The following TTC28 variants were observed in gnomAD, a reference collection of about 807,000 sequenced individuals.
The protein encoded by TTC28 is tetratricopeptide repeat domain 28, also known as tetratricopeptide repeat protein 28.
In TTC28, 61 loss-of-function variants were observed where a neutral mutation model predicts 198.0. That is an observed-to-expected ratio of 0.31 (90% CI 0.25 to 0.38). The LOEUF (loss-of-function observed/expected upper bound fraction) is 0.38, where lower values mean the gene tolerates loss of function less well. TTC28 is among the 10% of genes least tolerant of loss of function. The pLI, the probability that TTC28 is intolerant of heterozygous loss-of-function variation, is 1.00. For missense variants in TTC28, 2,678 were observed against 3,164.0 expected (o/e 0.85, Z 3.69); for synonymous variants, 1,171 against 1,297.8 (o/e 0.90, Z 2.10).
chr22:28,335,978 T>C (rs879216947), intron 2 of TTC28, among the ~76,000 whole-genome samples: 2 of 152,200 alleles, frequency 1.3e-5, no homozygotes, highest in South Asian at 2.1e-4. Flanking sequence ...TGTGGGTTTG[T>C]CATAGATAGC....
At chr22:28,566,114 T>C (rs2049965009) in intron 2 of TTC28, among the ~76,000 whole-genome samples, 1 of 152,180 alleles carries the variant, frequency 6.6e-6, no homozygotes, top group Non-Finnish European at 1.5e-5. Context: ...TGCTTTTGTA[T>C]GGCCTCCATA....
chr22:28,142,857 G>A (rs1943374029), intron 6 of TTC28, among the ~76,000 whole-genome samples: 1 of 152,130 alleles, frequency 6.6e-6, no homozygotes, highest in African/African-American at 2.4e-5. Flanking sequence ...ACCACCATGA[G>A]AGTCCCCAGA....
chr22:28,067,966 CAT>C (rs1184122156), intron 12 of TTC28, among the ~76,000 whole-genome samples: 1 of 152,176 alleles, frequency 6.6e-6, no homozygotes, highest in Non-Finnish European at 1.5e-5. Context: ...CCAGTTTATT[CAT>C]ATACTATTAA....
chr22:28,011,304 T>TCG (rs1938150736), intron 14 of TTC28, among the ~76,000 whole-genome samples: 1 of 152,186 alleles, frequency 6.6e-6, no homozygotes, highest in Non-Finnish European at 1.5e-5. Context: ...AATTAAAAAA[T>TCG]ATATATTTTC....
intron 2 of TTC28, among the ~76,000 whole-genome samples, chr22:28,585,629 T>A (rs1234378589): frequency 6.6e-6 from 1 of 152,082 alleles, no homozygotes; most frequent in African/African-American, 2.4e-5. Context: ...CTTTACATGA[T>A]CCTCAAAACA....
chr22:28,106,501 T>C (rs528777434), intron 7 of TTC28, among the ~76,000 whole-genome samples: 20 of 152,248 alleles, frequency 1.3e-4, no homozygotes, highest in Non-Finnish European at 2.4e-4. Context: ...ATAATAGATA[T>C]AGAGTAATAC....
At chr22:28,421,612 T>G (rs994530523) in intron 2 of TTC28, among the ~76,000 whole-genome samples, 4 of 152,136 alleles carry the variant, frequency 2.6e-5, no homozygotes, top group Non-Finnish European at 4.4e-5. Flanking sequence ...TGTGACTGTT[T>G]AAGACATTTA....
In TTC28 at chr22:28,022,047, C is replaced by T. The variant is rs141152002; in HGVS notation, c.4074-7655G>A. Among the ~76,000 whole-genome samples the T allele has an allele frequency of 9.3e-4, 141 of 152,354 alleles. 1 individual carries two copies. The highest frequency in any genetic ancestry group is 1.9e-3 in the Non-Finnish European group (126 of 68,028). On this transcript the variant is annotated intron_variant, in intron 13 of 22. Coordinates refer to ENST00000397906, the MANE Select transcript of TTC28 (RefSeq NM_001145418.2). ...GAGTAAACAAAGATGCAAGGTTAAA[C>T]ATCTCCTCTAAGGCAGCAACATCAG... is the stretch of plus-strand genomic sequence containing the variant.
rs1936943912 is a variant in TTC28 at position 27,979,416 on chromosome 22, G to A, written c.*2805C>T. 1 of 150,232 alleles carries A rather than the reference G, an allele frequency of 6.7e-6. No individual in the cohort carries two copies. Among genetic ancestry groups the A allele is most frequent in the South Asian group, 2.1e-4 (1 of 4,742 alleles). 9.3% of individuals were successfully genotyped at this position (150,232 alleles called of 1,614,324 possible). A position where few individuals can be genotyped will look rare whatever the true frequency, so the allele number is the denominator to read the frequency against. On this transcript the variant is annotated 3_prime_UTR_variant, in exon 23 of 23. Transcript: ENST00000397906. ...AATTGCTTGAACCCAGGAGGAAGAG[G>A]TTGCAGTGAGCCAAAATCGCACCAG...
At chr22:28,008,073 A>G (rs1191161626) in intron 14 of TTC28, 1 of 152,250 alleles carries the variant, frequency 6.6e-6, no homozygotes, top group Non-Finnish European at 1.5e-5. Flanking sequence ...TCTAAGGACA[A>G]AAATTCCCTG....
At chr22:28,159,178 C>A (rs1036182488) in intron 6 of TTC28, among the ~76,000 whole-genome samples, 1 of 152,102 alleles carries the variant, frequency 6.6e-6, no homozygotes, top group Non-Finnish European at 1.5e-5. Flanking sequence ...CACAGAAATG[C>A]AAACCAAAAC....
intron 1 of TTC28, among the ~76,000 whole-genome samples, chr22:28,675,156 T>C (rs537041508): frequency 2.6e-5 from 4 of 152,282 alleles, no homozygotes; most frequent in African/African-American, 9.6e-5. Flanking sequence ...CTCTTTTCAA[T>C]ATATAGTGCT....
At position 28,098,768 on chromosome 22, in the gene TTC28, TTGAC is replaced by T. The variant is rs1395268214; in HGVS notation, c.3547+143_3547+146del. ...TGTTGAATAAATGAATGAATGTTCA[TTGAC>T]TGGTTGTAGTTGTGGCTTCACAGTC... On this transcript the variant is annotated intron_variant, in intron 10 of 22. Transcript: ENST00000397906. The T allele has an allele frequency of 2.2e-5, 23 of 1,026,448 alleles. No individual in the cohort carries two copies. The East Asian group carries it at 6.1e-4, about 27-fold the overall frequency. 63.6% of individuals were successfully genotyped at this position (1,026,448 alleles called of 1,614,324 possible).
At position 28,629,066 on chromosome 22, in the gene TTC28, A is replaced by G. The variant is rs538283945; in HGVS notation, c.381+486T>C. ...TATATAATAAAAAACAAAGATAGTA[A>G]CTTAAGGGGACTATTCAAGGGAATA... On this transcript the variant is annotated intron_variant, in intron 2 of 22. Coordinates refer to ENST00000397906, the MANE Select transcript of TTC28 (RefSeq NM_001145418.2). Among the ~76,000 whole-genome samples the G allele has an allele frequency of 3.3e-5, 5 of 152,236 alleles. No individual in the cohort carries two copies. The South Asian group carries it at 6.2e-4, about 19-fold the overall frequency.
At chr22:28,150,183 T>C (rs1943574237) in intron 6 of TTC28, among the ~76,000 whole-genome samples, 2 of 152,182 alleles carry the variant, frequency 1.3e-5, no homozygotes, top group Non-Finnish European at 2.9e-5. Context: ...CAAATTTTCA[T>C]AAAGTTGAGG....
intron 2 of TTC28, among the ~76,000 whole-genome samples, chr22:28,336,046 G>A (rs560505367): frequency 8.5e-5 from 13 of 152,282 alleles, no homozygotes; most frequent in Admixed American, 2.0e-4. Context: ...TTTTTAGCAC[G>A]AAGGGCTGTT....
At chr22:28,629,179 AAATT>A (rs1303071872) in intron 2 of TTC28, among the ~76,000 whole-genome samples, 3 of 152,168 alleles carry the variant, frequency 2.0e-5, no homozygotes, top group Non-Finnish European at 4.4e-5. Context: ...ACAGAGAATG[AAATT>A]AATTATTTTA....
intron 1 of TTC28, among the ~76,000 whole-genome samples, chr22:28,644,562 G>A (rs1175195531): frequency 6.6e-6 from 1 of 151,872 alleles, no homozygotes; most frequent in Admixed American, 6.6e-5. Flanking sequence ...AGTGGCTCAC[G>A]CCTATAATCC....
chr22:28,043,241 T>TAAAAAAA (rs1939728695), intron 12 of TTC28, among the ~76,000 whole-genome samples: 1 of 19,482 alleles, frequency 5.1e-5, no homozygotes, highest in African/African-American at 2.5e-4. Context: ...AGACTCCATC[T>TAAAAAAA]CAAAAAAAAA....
Sources: allele counts gnomAD v4.1 joint callset (sites outside exome capture counted in the v4.1 genomes callset), GRCh38; gene constraint gnomAD v4.1.1; transcripts MANE v1.5; gene names NCBI Gene and HGNC (gene_info 2026-07-23, HGNC 2026-07-21).